SCHIP1: variants seen among roughly 807,000 people sequenced by gnomAD.
SCHIP1 encodes schwannomin interacting protein 1.
Under a neutral mutation model 29.7 loss-of-function variants are expected in SCHIP1, and 8 were observed. The ratio of observed to expected loss-of-function variants is 0.27; its 90% CI spans 0.16 to 0.49. The LOEUF (loss-of-function observed/expected upper bound fraction) is 0.49, where lower values mean the gene tolerates loss of function less well. Among genes scored for constraint, SCHIP1 ranks in the 20% least tolerant of loss-of-function variants. The probability of loss-of-function intolerance (pLI) is 0.99; values close to 1 mark genes in which losing one functional copy is unlikely to be tolerated. For missense variants in SCHIP1, 193 were observed against 294.6 expected, an observed-to-expected ratio of 0.66 and a Z score of 2.52; for synonymous variants, 76 against 94.9, an observed-to-expected ratio of 0.80 and a Z score of 1.16.
chr3:159,617,048 T>C, the SCHIP1 span, among the ~76,000 whole-genome samples: 1 of 152,226 alleles, frequency 6.6e-6, no homozygotes, highest in Non-Finnish European at 1.5e-5. Context: ...CTACTCAACA[T>C]GCTGAGTTAG....
At chr3:159,619,589 C>A in the SCHIP1 span, among the ~76,000 whole-genome samples, 2 of 152,224 alleles carry the variant, frequency 1.3e-5, no homozygotes, top group South Asian at 2.1e-4. Context: ...AAATGGATAA[C>A]CTTTGGCTTC....
the SCHIP1 span, among the ~76,000 whole-genome samples, chr3:159,683,345 C>T: frequency 6.6e-6 from 1 of 152,156 alleles, no homozygotes; most frequent in African/African-American, 2.4e-5. Flanking sequence ...GCCACTGTTC[C>T]CGGCCCAGGA....
At chr3:159,416,392 G>A in the SCHIP1 span, among the ~76,000 whole-genome samples, 75 of 152,116 alleles carry the variant, frequency 4.9e-4, no homozygotes, top group African/African-American at 1.6e-3. Context: ...CTTGTTTACT[G>A]TCCATTTTCA....
chr3:159,654,802 TAAAAAAAAAAAAA>T, the SCHIP1 span, among the ~76,000 whole-genome samples: 32 of 103,778 alleles, frequency 3.1e-4, no homozygotes, highest in Admixed American at 3.2e-3. Flanking sequence ...TGACTTTAAG[TAAAAAAAAAAAAA>T]AAAAAAAAAA....
At chr3:159,527,734 T>C in the SCHIP1 span, among the ~76,000 whole-genome samples, 2 of 152,016 alleles carry the variant, frequency 1.3e-5, no homozygotes, top group African/African-American at 4.8e-5. Flanking sequence ...GCATTTGGAG[T>C]AGTTTTTTTG....
chr3:159,355,481 C>A, the SCHIP1 span, among the ~76,000 whole-genome samples: 26 of 152,166 alleles, frequency 1.7e-4, no homozygotes, highest in African/African-American at 5.5e-4. Context: ...CACAAGGTGA[C>A]ATCATATAAG....
At chr3:159,727,953 G>A in the SCHIP1 span, among the ~76,000 whole-genome samples, 1 of 142,898 alleles carries the variant, frequency 7.0e-6, no homozygotes, top group Admixed American at 6.9e-5. Context: ...TTGTTTGTTT[G>A]TTTTTTGGTC....
chr3:159,445,203 A>G, the SCHIP1 span, among the ~76,000 whole-genome samples: 2 of 152,234 alleles, frequency 1.3e-5, no homozygotes, highest in Admixed American at 1.3e-4. Flanking sequence ...AACCCCAACA[A>G]TAAGTGGGCA....
At chr3:159,660,696 T>C in the SCHIP1 span, among the ~76,000 whole-genome samples, 1 of 152,222 alleles carries the variant, frequency 6.6e-6, no homozygotes, top group Admixed American at 6.5e-5. Flanking sequence ...TAGGGCAAGA[T>C]GAAATCTCAG....
chr3:159,803,613 TC>T, the SCHIP1 span, among the ~76,000 whole-genome samples: 1 of 152,202 alleles, frequency 6.6e-6, no homozygotes, highest in African/African-American at 2.4e-5. Flanking sequence ...GCTTGTGACT[TC>T]CATTAGAAAG....
At chr3:159,723,191 G>A in the SCHIP1 span, among the ~76,000 whole-genome samples, 7 of 152,220 alleles carry the variant, frequency 4.6e-5, no homozygotes, top group South Asian at 1.0e-3. Flanking sequence ...TCTTAATGGT[G>A]TTTTTCTTAT....
At chr3:159,510,770 C>T in the SCHIP1 span, among the ~76,000 whole-genome samples, 1 of 152,204 alleles carries the variant, frequency 6.6e-6, no homozygotes, top group African/African-American at 2.4e-5. Flanking sequence ...GCAGCAGAGG[C>T]TGCAGAACAG....
chr3:159,639,520 A>AG, the SCHIP1 span, among the ~76,000 whole-genome samples: 1 of 152,148 alleles, frequency 6.6e-6, no homozygotes, highest in Admixed American at 6.6e-5. Flanking sequence ...CCCATAGAAA[A>AG]GGTGTGTTTT....
chr3:159,677,049 C>T, the SCHIP1 span, among the ~76,000 whole-genome samples: 4,971 of 152,206 alleles, frequency 0.033, 142 homozygotes, highest in African/African-American at 0.077. Context: ...CCATCTCTGG[C>T]CATCCTAAAG....
At chr3:159,569,235 G>T in the SCHIP1 span, among the ~76,000 whole-genome samples, 3 of 151,896 alleles carry the variant, frequency 2.0e-5, no homozygotes, top group Non-Finnish European at 2.9e-5. Flanking sequence ...TGATACATAG[G>T]TACACTTGTG....
the SCHIP1 span, among the ~76,000 whole-genome samples, chr3:159,658,792 C>T: frequency 6.6e-6 from 1 of 152,204 alleles, no homozygotes; most frequent in East Asian, 1.9e-4. Context: ...CCATATCAGG[C>T]AAGCCCAAAA....
chr3:159,732,682 A>T, the SCHIP1 span, among the ~76,000 whole-genome samples: 3 of 151,980 alleles, frequency 2.0e-5, no homozygotes, highest in African/African-American at 7.3e-5. Flanking sequence ...GGCAGGGGAA[A>T]CAAATTCAGC....
At chr3:159,885,964 C>T (rs1716923094) in intron 2 of SCHIP1, among the ~76,000 whole-genome samples, 1 of 152,220 alleles carries the variant, frequency 6.6e-6, no homozygotes, top group Non-Finnish European at 1.5e-5. Flanking sequence ...GTGCTGGGTG[C>T]TCTAACATGG....
chr3:159,417,744 C>T, the SCHIP1 span, among the ~76,000 whole-genome samples: 3 of 152,294 alleles, frequency 2.0e-5, no homozygotes, highest in East Asian at 1.9e-4. Context: ...AGCTCAGCCA[C>T]GTCAAATGCT....
Sources: allele counts gnomAD v4.1 joint callset (sites outside exome capture counted in the v4.1 genomes callset), GRCh38; gene constraint gnomAD v4.1.1; transcripts MANE v1.5; gene names NCBI Gene and HGNC (gene_info 2026-07-23, HGNC 2026-07-21).